Variants in BMP6 observed in about 807,000 individuals in gnomAD.
BMP6 encodes the protein VG-1-R.
Under a neutral mutation model 54.1 loss-of-function variants are expected in BMP6, and 17 were observed. That is an observed-to-expected ratio of 0.31 (90% CI 0.22 to 0.47). BMP6 has a LOEUF of 0.47. Ranked by LOEUF, BMP6 falls within the 20% of genes least tolerant of loss-of-function variation. BMP6 has a pLI of 1.00. For synonymous variants in BMP6, 328 were observed against 291.2 expected (o/e 1.13, Z -1.28); for missense variants, 720 against 690.4 (o/e 1.04, Z -0.48).
intron 1 of BMP6, among the ~76,000 whole-genome samples, chr6:7,748,843 C>T (rs1757382252): frequency 6.6e-6 from 1 of 152,214 alleles, no homozygotes; most frequent in Non-Finnish European, 1.5e-5. Flanking sequence ...TTGCATCTCA[C>T]CATACCCCCA....
chr6:7,768,847 G>T (rs775105843), intron 1 of BMP6, among the ~76,000 whole-genome samples: 1 of 152,056 alleles, frequency 6.6e-6, no homozygotes, highest in Non-Finnish European at 1.5e-5. Context: ...CTTTCTTGTT[G>T]TACTCATCAC....
intron 1 of BMP6, among the ~76,000 whole-genome samples, chr6:7,828,857 T>C (rs1329486351): frequency 6.6e-6 from 1 of 152,208 alleles, no homozygotes; most frequent in Non-Finnish European, 1.5e-5. Flanking sequence ...GGACATGTTC[T>C]GACCACGGCT....
chr6:7,861,862 T>C (rs1413129439), intron 3 of BMP6, among the ~76,000 whole-genome samples: 2 of 152,154 alleles, frequency 1.3e-5, no homozygotes, highest in Non-Finnish European at 2.9e-5. Flanking sequence ...GGACAGCTTT[T>C]CTAGGCAGAG....
intron 2 of BMP6, among the ~76,000 whole-genome samples, chr6:7,854,519 G>A (rs1293336460): frequency 6.6e-6 from 1 of 152,230 alleles, no homozygotes; most frequent in Non-Finnish European, 1.5e-5. Context: ...AGCGGGGGCT[G>A]GGTGCAGTGG....
intron 1 of BMP6, among the ~76,000 whole-genome samples, chr6:7,803,523 C>T (rs1379336594): frequency 2.0e-5 from 3 of 152,118 alleles, no homozygotes; most frequent in Admixed American, 2.0e-4. Context: ...CTAATGGCAA[C>T]CTCTACTCCC....
chr6:7,727,721 G>A, intron 1 of BMP6, 102 bp downstream of exon 1: 1 of 1,311,826 alleles, frequency 7.6e-7, no homozygotes, highest in Non-Finnish European at 9.8e-7. Context: ...CGGCGCGCGG[G>A]TCCCGCCTGG....
intron 1 of BMP6, among the ~76,000 whole-genome samples, chr6:7,756,578 G>T (rs1353099179): frequency 6.6e-6 from 1 of 152,118 alleles, no homozygotes; most frequent in Admixed American, 6.5e-5. Flanking sequence ...CTGTGTGCTG[G>T]ATTTTGTTAT....
At chr6:7,785,212 G>A (rs1758003892) in intron 1 of BMP6, among the ~76,000 whole-genome samples, 1 of 152,214 alleles carries the variant, frequency 6.6e-6, no homozygotes, top group Admixed American at 6.5e-5. Context: ...GTCATAAGAA[G>A]CAAAGAAGAT....
chr6:7,731,448 A>AAACTAAATTTGTT (rs1229914886), intron 1 of BMP6, among the ~76,000 whole-genome samples: 1 of 152,022 alleles, frequency 6.6e-6, no homozygotes, highest in Non-Finnish European at 1.5e-5. Context: ...TACTTATCAC[A>AAACTAAATTTGTT]AGTTTTTCTT....
chr6:7,826,567 G>A (rs1007453848), intron 1 of BMP6, among the ~76,000 whole-genome samples: 1 of 152,312 alleles, frequency 6.6e-6, no homozygotes, highest in Non-Finnish European at 1.5e-5. Context: ...CATCAGTTGC[G>A]CTGATTACTA....
chr6:7,870,327 G>A (rs1244414917), intron 4 of BMP6, among the ~76,000 whole-genome samples: 1 of 152,200 alleles, frequency 6.6e-6, no homozygotes, highest in East Asian at 1.9e-4. Flanking sequence ...GGGAATGGAT[G>A]GGACACTTCT....
intron 1 of BMP6, among the ~76,000 whole-genome samples, chr6:7,752,732 C>A (rs1450769506): frequency 6.6e-6 from 1 of 152,138 alleles, no homozygotes; most frequent in Admixed American, 6.5e-5. Flanking sequence ...GAACAAAAAT[C>A]TTTGCCCTAA....
rs1758925751 is a variant in BMP6 at position 7,839,233 on chromosome 6, T to C, written c.665-5907T>C. Reference sequence around the variant, plus strand: ...AGGCTGGAGCGCAGTGGTGTAATCATAGCTCATTGCAGCCTCACACTCCTG... The same window carrying C: ...AGGCTGGAGCGCAGTGGTGTAATCACAGCTCATTGCAGCCTCACACTCCTG... On this transcript the variant is annotated intron_variant, in intron 1 of 6. Coordinates refer to ENST00000283147, the MANE Select transcript of BMP6 (RefSeq NM_001718.6). Among the ~76,000 whole-genome samples, 5 of 152,212 alleles carry C rather than the reference T, an allele frequency of 3.3e-5. 1 individual carries two copies. The South Asian group carries it at 1.0e-3, about 31-fold the overall frequency.
chr6:7,752,723 A>G (rs146460410), intron 1 of BMP6, among the ~76,000 whole-genome samples: 49 of 152,292 alleles, frequency 3.2e-4, no homozygotes, highest in East Asian at 1.9e-3. Flanking sequence ...GATACAGGTG[A>G]ACAAAAATCT....
intron 1 of BMP6, among the ~76,000 whole-genome samples, chr6:7,817,705 C>A (rs1758552375): frequency 1.3e-5 from 2 of 151,532 alleles, no homozygotes; most frequent in South Asian, 4.2e-4. Context: ...CACATGTACC[C>A]TAGAACTTAA....
intron 2 of BMP6, among the ~76,000 whole-genome samples, chr6:7,861,067 AGAGT>A (rs982614708): frequency 6.6e-6 from 1 of 151,956 alleles, no homozygotes; most frequent in African/African-American, 2.4e-5. Flanking sequence ...CCTAGGTGAC[AGAGT>A]GAGACCCAGT....
intron 1 of BMP6, among the ~76,000 whole-genome samples, chr6:7,763,389 T>C (rs1052840344): frequency 9.2e-5 from 14 of 152,196 alleles, no homozygotes; most frequent in African/African-American, 3.4e-4. Flanking sequence ...GGCACTCTTA[T>C]GGGAATAAAA....
At chr6:7,833,955 G>A (rs966912809) in intron 1 of BMP6, among the ~76,000 whole-genome samples, 6 of 152,274 alleles carry the variant, frequency 3.9e-5, no homozygotes, top group Middle Eastern at 6.8e-3. Flanking sequence ...TGAGTGTCAC[G>A]GGCTCAGGGA....
chr6:7,769,491 A>G (rs931351368), intron 1 of BMP6, among the ~76,000 whole-genome samples: 1 of 152,214 alleles, frequency 6.6e-6, no homozygotes, highest in Non-Finnish European at 1.5e-5. Flanking sequence ...CGAGTTCTGC[A>G]CAGGTGTATT....
Sources: allele counts gnomAD v4.1 joint callset (sites outside exome capture counted in the v4.1 genomes callset), GRCh38; gene constraint gnomAD v4.1.1; transcripts MANE v1.5; gene names NCBI Gene and HGNC (gene_info 2026-07-23, HGNC 2026-07-21).